BTNL8: variants seen among roughly 807,000 people sequenced by gnomAD.
BTNL8 encodes butyrophilin-like protein 8.
Under a neutral mutation model 36.1 loss-of-function variants are expected in BTNL8, and 22 were observed. The ratio of observed to expected loss-of-function variants is 0.61; its 90% CI spans 0.44 to 0.87. BTNL8 has a LOEUF of 0.87. Among genes scored for constraint, BTNL8 ranks in the 40% least tolerant of loss-of-function variants. The pLI is 0.00. For missense variants in BTNL8, 526 were observed against 616.9 expected, an observed-to-expected ratio of 0.85 and a Z score of 1.56; for synonymous variants, 203 against 235.6, an observed-to-expected ratio of 0.86 and a Z score of 1.27.
intron 3 of BTNL8, among the ~76,000 whole-genome samples, chr5:180,939,890 A>G (rs866350006): frequency 1.3e-5 from 2 of 152,356 alleles, no homozygotes; most frequent in Middle Eastern, 3.4e-3. Flanking sequence ...TATATCAAAT[A>G]TATTTTCAGG....
In BTNL8 at chr5:180,948,282, G is replaced by T. The variant is rs1582069295; in HGVS notation, c.788-73G>T. 3 of 1,465,000 alleles carry T rather than the reference G, an allele frequency of 2.0e-6. 1 individual carries two copies. The highest frequency in any genetic ancestry group is 2.8e-6 in the Non-Finnish European group (3 of 1,058,854). 90.8% of individuals were successfully genotyped at this position (1,465,000 alleles called of 1,614,324 possible). On this transcript the variant is annotated intron_variant, in intron 4 of 7. Transcript: ENST00000340184. ...CACACCTGCAGCTCGTCCCACCTGT[G>T]CAAGGAGCCAGCGTCGTGTTTGTGC...
Position 180,950,419 on chromosome 5 carries a change from T to A in BTNL8, c.1378T>A (p.Cys460Ser), listed in dbSNP as rs1369624877. The A allele has an allele frequency of 6.8e-7, 1 of 1,463,840 alleles. No individual in the cohort carries two copies. The highest frequency in any genetic ancestry group is 1.1e-5 in the South Asian group (1 of 89,266). 90.7% of individuals were successfully genotyped at this position (1,463,840 alleles called of 1,614,324 possible). A position where few individuals can be genotyped will look rare whatever the true frequency, so the allele number is the denominator to read the frequency against. ...GCAAAATGGAACTCCCATAGTCATC[T>A]GCCCAGTCACCCAGGAATCAGAGAA... ...NEQNGTPIVI[C>S]PVTQESEKEA... The change falls in exon 8 of 8, where the codon TGC becomes AGC. Residue 460 changes from cysteine to serine, a missense_variant. This residue lies in a region of BTNL8 where 176 missense variants were observed against 292.3 expected (regional missense o/e 0.60). Transcript: ENST00000340184.
At chr5:180,902,550 G>A (rs1423956553) in intron 1 of BTNL8, among the ~76,000 whole-genome samples, 23 of 151,492 alleles carry the variant, frequency 1.5e-4, no homozygotes, top group Admixed American at 1.5e-3. Context: ...TATACTTTAA[G>A]TTTTAGGGTA....
chr5:180,947,091 A>T (rs1759295322), intron 3 of BTNL8, among the ~76,000 whole-genome samples: 1 of 152,258 alleles, frequency 6.6e-6, no homozygotes, highest in African/African-American at 2.4e-5. Flanking sequence ...CAACTGAATA[A>T]GAAGTGAGGA....
intron 2 of BTNL8, among the ~76,000 whole-genome samples, chr5:180,910,172 C>T (rs544873631): frequency 6.6e-6 from 1 of 151,760 alleles, no homozygotes; most frequent in African/African-American, 2.4e-5. Context: ...TTTCAAGTGC[C>T]TTATAACAAG....
chr5:180,922,929 AC>A (rs1438714910), intron 3 of BTNL8, among the ~76,000 whole-genome samples: 7 of 152,096 alleles, frequency 4.6e-5, no homozygotes, highest in African/African-American at 1.7e-4. Context: ...TGAACCCTTT[AC>A]CATCATATAT....
intron 3 of BTNL8, among the ~76,000 whole-genome samples, chr5:180,927,545 G>A (rs756692353): frequency 6.6e-6 from 1 of 152,160 alleles, no homozygotes; most frequent in Non-Finnish European, 1.5e-5. Flanking sequence ...AGCTAAAGGA[G>A]CATGTTCTAA....
Position 180,949,385 on chromosome 5 carries a change from G to C in BTNL8, c.862+120G>C, listed in dbSNP as rs1759439378. 2.9e-6 allele frequency: 4 copies of C among 1,357,994 alleles called. 1 individual carries two copies. In the African/African-American group the frequency reaches 5.7e-5, roughly 19 times the overall value. 84.1% of individuals were successfully genotyped at this position (1,357,994 alleles called of 1,614,324 possible). A position where few individuals can be genotyped will look rare whatever the true frequency, so the allele number is the denominator to read the frequency against. On this transcript the variant is annotated intron_variant, in intron 7 of 7. Transcript: ENST00000340184. ...GCTGAGACCCATCCTGCCTGCAGATGGAGAAACTGGATGCTTGATCGCCCC... is the reference window on the plus strand; with the variant it reads ...GCTGAGACCCATCCTGCCTGCAGATCGAGAAACTGGATGCTTGATCGCCCC...
At chr5:180,931,853 A>G (rs2113832860) in intron 3 of BTNL8, among the ~76,000 whole-genome samples, 2 of 152,312 alleles carry the variant, frequency 1.3e-5, no homozygotes, top group South Asian at 4.1e-4. Context: ...TTTTTACACT[A>G]TTGGTGGAAG....
intron 3 of BTNL8, among the ~76,000 whole-genome samples, chr5:180,943,746 C>T (rs750968046): frequency 1.7e-4 from 26 of 152,012 alleles, no homozygotes; most frequent in Admixed American, 3.3e-4. Flanking sequence ...CTGAGTATAC[C>T]CAAAAGAAAG....
intron 3 of BTNL8, among the ~76,000 whole-genome samples, chr5:180,914,310 A>G (rs1166617293): frequency 2.0e-5 from 3 of 152,206 alleles, no homozygotes; most frequent in Non-Finnish European, 2.9e-5. Context: ...ACAAGGTGCC[A>G]TCTTGAAACA....
chr5:180,923,638 G>T (rs1262824029), intron 3 of BTNL8, among the ~76,000 whole-genome samples: 1 of 151,802 alleles, frequency 6.6e-6, no homozygotes, highest in East Asian at 1.9e-4. Context: ...CAATATGCTG[G>T]AATAGTAATC....
chr5:180,947,139 T>C (rs138892416), intron 3 of BTNL8, among the ~76,000 whole-genome samples: 1 of 152,340 alleles, frequency 6.6e-6, no homozygotes, highest in East Asian at 1.9e-4. Context: ...ATCCCGGAAC[T>C]GTGGTGATTA....
intron 3 of BTNL8, among the ~76,000 whole-genome samples, chr5:180,943,937 C>G (rs1176860637): frequency 6.6e-6 from 1 of 152,202 alleles, no homozygotes; most frequent in African/African-American, 2.4e-5. Flanking sequence ...TTTGCAACAA[C>G]ATGGATGAAC....
At chr5:180,934,042 C>T (rs1758525622) in intron 3 of BTNL8, among the ~76,000 whole-genome samples, 1 of 152,004 alleles carries the variant, frequency 6.6e-6, no homozygotes, top group African/African-American at 2.4e-5. Flanking sequence ...TTCCACCCCC[C>T]ACCAAATACT....
At chr5:180,917,127 G>A (rs1757668574) in intron 3 of BTNL8, among the ~76,000 whole-genome samples, 3 of 97,498 alleles carry the variant, frequency 3.1e-5, no homozygotes, top group Admixed American at 9.9e-5. Flanking sequence ...CCAACAAACT[G>A]GATAACCTAG....
At position 180,918,868 on chromosome 5, in the gene BTNL8, G is replaced by A. The variant is rs968945040; in HGVS notation, c.673+7254G>A. On this transcript the variant is annotated intron_variant, in intron 3 of 7. Coordinates refer to ENST00000340184, the MANE Select transcript of BTNL8 (RefSeq NM_001040462.3). The stretch of plus-strand genomic sequence containing the variant: ...CCATAGAAAAGAGTGTCTAGATTAG[G>A]ATAGGGGGTTGTGGAGACCAAGGTT... 2.6e-5 allele frequency among the ~76,000 whole-genome samples: 4 copies of A among 152,176 alleles called. No individual in the cohort carries two copies. In the East Asian group the frequency reaches 7.7e-4, roughly 29 times the overall value.
At chr5:180,938,607 G>C (rs553364122) in intron 3 of BTNL8, among the ~76,000 whole-genome samples, 51 of 149,994 alleles carry the variant, frequency 3.4e-4, no homozygotes, top group Middle Eastern at 3.4e-3. Context: ...GCACGATTTC[G>C]GCTCACTGCA....
In BTNL8 at chr5:180,935,297, C is replaced by T. The variant is rs796930556; in HGVS notation, c.674-12215C>T. Among the ~76,000 whole-genome samples the T allele has an allele frequency of 2.6e-5, 4 of 152,340 alleles. No homozygotes were observed. Among genetic ancestry groups the T allele is most frequent in the African/African-American group, 9.6e-5 (4 of 41,578 alleles). ...CCTTTCCACCCAGGAACCTGTTTCCCTTCCACCATCAACATGCCATCCATG... is the reference window on the plus strand; with the variant it reads ...CCTTTCCACCCAGGAACCTGTTTCCTTTCCACCATCAACATGCCATCCATG... On this transcript the variant is annotated intron_variant, in intron 3 of 7. Coordinates refer to ENST00000340184, the MANE Select transcript of BTNL8 (RefSeq NM_001040462.3). The surrounding 1 kb of genome is among the most constrained non-coding windows in gnomAD (Gnocchi z 4.8).
Sources: allele counts gnomAD v4.1 joint callset (sites outside exome capture counted in the v4.1 genomes callset), GRCh38; gene constraint gnomAD v4.1.1; regional missense constraint gnomAD v4.1.1; non-coding constraint Gnocchi (gnomAD v3.1); transcripts MANE v1.5; gene names NCBI Gene and HGNC (gene_info 2026-07-23, HGNC 2026-07-21).